Variants in CSTPP1 observed in about 807,000 individuals in gnomAD.
CSTPP1 encodes the protein centriolar satellite-associated tubulin polyglutamylase complex regulator 1.
chr11:47,097,223 T>C, the CSTPP1 span, among the ~76,000 whole-genome samples: 1 of 101,600 alleles, frequency 9.8e-6, no homozygotes, highest in African/African-American at 3.4e-5. Context: ...CCGCCCCTAC[T>C]GGGAAGTGAG....
the CSTPP1 span, among the ~76,000 whole-genome samples, chr11:47,038,460 C>T: frequency 9.4e-6 from 1 of 106,332 alleles, no homozygotes; most frequent in East Asian, 2.6e-4. Context: ...GGGGGCTGAC[C>T]CCCCCACCTC....
At chr11:47,098,699 A>C in the CSTPP1 span, among the ~76,000 whole-genome samples, 1 of 151,814 alleles carries the variant, frequency 6.6e-6, no homozygotes. Flanking sequence ...ATGAGGTTTC[A>C]CCATATTGGC....
At chr11:46,966,088 G>GC in the CSTPP1 span, among the ~76,000 whole-genome samples, 1 of 152,150 alleles carries the variant, frequency 6.6e-6, no homozygotes, top group Non-Finnish European at 1.5e-5. Context: ...GTGTCACCAG[G>GC]CTGGAGTTCA....
At chr11:47,052,953 C>T in the CSTPP1 span, 6 of 154,930 alleles carry the variant, frequency 3.9e-5, no homozygotes, top group South Asian at 1.0e-3. Flanking sequence ...ACTTCACAGC[C>T]CTTGCTCTTG....
chr11:47,000,033 C>T, the CSTPP1 span, among the ~76,000 whole-genome samples: 6 of 152,144 alleles, frequency 3.9e-5, no homozygotes, highest in East Asian at 1.9e-4. Context: ...TCTTGAAAGA[C>T]GGATACTAAA....
At chr11:47,027,905 A>G in the CSTPP1 span, among the ~76,000 whole-genome samples, 2 of 150,098 alleles carry the variant, frequency 1.3e-5, no homozygotes, top group Non-Finnish European at 3.0e-5. Flanking sequence ...AGTGTGGCAC[A>G]TCTCTATTTT....
the CSTPP1 span, among the ~76,000 whole-genome samples, chr11:47,146,925 C>G: frequency 9.9e-5 from 15 of 152,036 alleles, no homozygotes; most frequent in Non-Finnish European, 1.8e-4. Context: ...TGAGAAAAAG[C>G]AAAACAAAGC....
At chr11:46,954,561 A>T in the CSTPP1 span, among the ~76,000 whole-genome samples, 3 of 152,140 alleles carry the variant, frequency 2.0e-5, no homozygotes, top group African/African-American at 2.4e-5. Context: ...AAAAATAAAT[A>T]AATAAATAAA....
the CSTPP1 span, among the ~76,000 whole-genome samples, chr11:46,998,959 C>G: frequency 6.6e-6 from 1 of 152,010 alleles, no homozygotes; most frequent in Non-Finnish European, 1.5e-5. Context: ...CCAGGATGGT[C>G]TCGATTTCCT....
At chr11:47,055,226 C>A in the CSTPP1 span, among the ~76,000 whole-genome samples, 1 of 152,002 alleles carries the variant, frequency 6.6e-6, no homozygotes, top group Non-Finnish European at 1.5e-5. Flanking sequence ...GGCTACCATG[C>A]CTGGTCTCCT....
chr11:47,067,615 C>G, the CSTPP1 span, among the ~76,000 whole-genome samples: 2 of 152,240 alleles, frequency 1.3e-5, no homozygotes, highest in African/African-American at 4.8e-5. Flanking sequence ...TGCCCCTCCA[C>G]GTGAGGACAC....
At chr11:47,104,108 G>A in the CSTPP1 span, among the ~76,000 whole-genome samples, 43 of 152,224 alleles carry the variant, frequency 2.8e-4, no homozygotes, top group African/African-American at 9.6e-4. Context: ...TTCATGGTGC[G>A]ACAATGAGCA....
At chr11:47,101,164 ATTTTT>A in the CSTPP1 span, among the ~76,000 whole-genome samples, 2 of 30,374 alleles carry the variant, frequency 6.6e-5, no homozygotes, top group African/African-American at 3.6e-4. Context: ...ACACCGGCTA[ATTTTT>A]TTTTTTTTTT....
the CSTPP1 span, among the ~76,000 whole-genome samples, chr11:47,086,650 T>C: frequency 1.1e-4 from 17 of 152,272 alleles, no homozygotes; most frequent in South Asian, 3.1e-3. Context: ...CTTTTACTTC[T>C]TAGTAAAATG....
the CSTPP1 span, among the ~76,000 whole-genome samples, chr11:47,156,293 C>T: frequency 6.6e-6 from 1 of 152,184 alleles, no homozygotes; most frequent in Non-Finnish European, 1.5e-5. Flanking sequence ...TCACTGTCTC[C>T]CCAGCCCTCT....
chr11:47,039,114 A>G, the CSTPP1 span, among the ~76,000 whole-genome samples: 1 of 127,506 alleles, frequency 7.8e-6, no homozygotes, highest in Non-Finnish European at 1.9e-5. Context: ...GGCCGGGCAG[A>G]GGCTGCAATC....
the CSTPP1 span, among the ~76,000 whole-genome samples, chr11:47,095,161 T>C: frequency 6.6e-6 from 1 of 152,222 alleles, no homozygotes; most frequent in Non-Finnish European, 1.5e-5. Context: ...TCCATGATTT[T>C]TTAGTTCAGC....
chr11:47,029,059 G>A, the CSTPP1 span, among the ~76,000 whole-genome samples: 6 of 151,252 alleles, frequency 4.0e-5, no homozygotes, highest in Non-Finnish European at 7.4e-5. Context: ...TGCCCAAGCT[G>A]ATCTCAAACT....
the CSTPP1 span, among the ~76,000 whole-genome samples, chr11:47,156,233 C>T: frequency 1.3e-4 from 20 of 152,212 alleles, no homozygotes; most frequent in Non-Finnish European, 4.4e-5. Flanking sequence ...TTCTCTGAAG[C>T]TCTTGGGCCC....
Sources: gnomAD v4.1 joint callset for allele counts (sites outside exome capture counted in the v4.1 genomes callset) on GRCh38, gnomAD v4.1.1 for gene constraint, MANE v1.5 for transcripts, NCBI Gene and HGNC (gene_info 2026-07-23, HGNC 2026-07-21) for gene names.